Variants in KIF16B observed in about 807,000 individuals in gnomAD.
KIF16B encodes the protein kinesin-like protein KIF16B.
Under a neutral mutation model 156.3 loss-of-function variants are expected in KIF16B, and 98 were observed. The ratio of observed to expected loss-of-function variants is 0.63; its 90% CI spans 0.53 to 0.74. The LOEUF is 0.74. KIF16B is among the 30% of genes least tolerant of loss of function. KIF16B has a pLI of 0.00. For synonymous variants in KIF16B, 564 were observed against 583.7 expected (o/e 0.97, Z 0.49); for missense variants, 1,421 against 1,606.5 (o/e 0.88, Z 1.97).
At chr20:16,448,778 T>C (rs2067001777) in intron 12 of KIF16B, among the ~76,000 whole-genome samples, 1 of 152,092 alleles carries the variant, frequency 6.6e-6, no homozygotes, top group East Asian at 1.9e-4. Context: ...GAACAGCATA[T>C]TCAAGATAGC....
rs2068846907 is a variant in KIF16B at position 16,508,204 on chromosome 20, C to A, written c.557-104G>T. On this transcript the variant is annotated intron_variant, in intron 6 of 25. Coordinates refer to ENST00000354981, the MANE Select transcript of KIF16B (RefSeq NM_024704.5). ...AATACACAACTCCAAAATCTGCTGA[C>A]CTGTCTGAAGACCTCACTTGTCTCT... 2.4e-5 allele frequency: 32 copies of A among 1,343,428 alleles called. No individual in the cohort carries two copies. The East Asian group carries it at 7.4e-4, about 31-fold the overall frequency. The allele number at this position is 1,343,428 out of a possible 1,614,324, so 83.2% of individuals were successfully genotyped here.
chr20:16,545,382 A>T (rs75064944), intron 1 of KIF16B, among the ~76,000 whole-genome samples: 2 of 150,592 alleles, frequency 1.3e-5, no homozygotes, highest in Non-Finnish European at 3.0e-5. Context: ...AAAAAAAAAA[A>T]GGCCAGGAGA....
At chr20:16,510,157 G>A (rs2068911471) in intron 6 of KIF16B, among the ~76,000 whole-genome samples, 2 of 152,030 alleles carry the variant, frequency 1.3e-5, no homozygotes, top group African/African-American at 2.4e-5. Flanking sequence ...TGTTTGCTCT[G>A]TTTTGCTATT....
At chr20:16,428,586 T>C (rs1213013748) in intron 14 of KIF16B, among the ~76,000 whole-genome samples, 2 of 152,184 alleles carry the variant, frequency 1.3e-5, no homozygotes, top group Admixed American at 1.3e-4. Context: ...TCAAAAGACC[T>C]ACATCTTTTA....
chr20:16,345,659 G>A (rs2064219507), intron 23 of KIF16B, among the ~76,000 whole-genome samples: 2 of 152,174 alleles, frequency 1.3e-5, no homozygotes, highest in East Asian at 1.9e-4. Flanking sequence ...TAAAAGACAC[G>A]TTAAGAAACA....
rs1239568918 is a variant in KIF16B, at chr20:16,506,077, T to G, written c.813A>C (p.Glu271Asp). ...ATGATGVRLK[E>D]GGNINKSLVT... ...CGAGGGACTTGTTAATATTTCCCCC[T>G]TCCTTTAGCCTAACCCCGGTGGCTC... The change falls in exon 8 of 26, where the codon GAA (glutamate) becomes GAC (aspartate). Residue 271 changes from glutamate (E) to aspartate (D), a missense_variant. Transcript: ENST00000354981. 1 of 1,614,112 alleles carries G rather than the reference T, an allele frequency of 6.2e-7. No individual in the cohort carries two copies. The highest frequency in any genetic ancestry group is 8.5e-7 in the Non-Finnish European group (1 of 1,179,988).
intron 11 of KIF16B, 120 bp downstream of exon 11, chr20:16,497,493 G>A (rs2068485831): frequency 1.4e-6 from 1 of 729,798 alleles, no homozygotes; most frequent in Non-Finnish European, 2.4e-6. Flanking sequence ...ACCAACGAGG[G>A]AGGAGGCTAA....
chr20:16,446,586 G>A (rs971550998), intron 12 of KIF16B, among the ~76,000 whole-genome samples: 3 of 151,914 alleles, frequency 2.0e-5, no homozygotes, highest in South Asian at 2.1e-4. Flanking sequence ...GTTAGGTAAC[G>A]GAAATCAACA....
intron 1 of KIF16B, among the ~76,000 whole-genome samples, chr20:16,549,084 C>A (rs2070531959): frequency 6.8e-6 from 1 of 146,888 alleles, no homozygotes; most frequent in African/African-American, 2.5e-5. Flanking sequence ...TACATGTGCA[C>A]ATTGTGCAGG....
At chr20:16,303,623 G>A (rs576386831) in intron 25 of KIF16B, among the ~76,000 whole-genome samples, 2 of 152,304 alleles carry the variant, frequency 1.3e-5, no homozygotes, top group South Asian at 4.1e-4. Flanking sequence ...ACTGGACACT[G>A]AACAAATATT....
chr20:16,383,103 C>T (rs555908297), intron 17 of KIF16B, among the ~76,000 whole-genome samples: 1 of 152,220 alleles, frequency 6.6e-6, no homozygotes, highest in African/African-American at 2.4e-5. Flanking sequence ...AAGCAATCCT[C>T]CTCTCTGTTT....
intron 1 of KIF16B, among the ~76,000 whole-genome samples, chr20:16,543,227 T>G (rs2070272721): frequency 2.0e-5 from 3 of 152,216 alleles, no homozygotes. Context: ...CATTGTGAGA[T>G]GCTGTTTCAG....
rs747736833 is a variant in KIF16B, at chr20:16,429,006, T to C, written c.1423-2A>G. 6.2e-7 allele frequency: 1 copy of C among 1,612,756 alleles called. No homozygotes were observed. Among genetic ancestry groups the C allele is most frequent in the South Asian group, 1.1e-5 (1 of 91,034 alleles). ...TCTACCAACGTATGTCTGACCTTCC[T>C]GGGAAGAAAACCCAAGCAAAATGTA... On this transcript the variant is annotated splice_acceptor_variant, in intron 13 of 25. Coordinates refer to ENST00000354981, the MANE Select transcript of KIF16B (RefSeq NM_024704.5). LOFTEE classifies it high-confidence loss of function.
At chr20:16,571,803 G>T (rs905761608) in intron 1 of KIF16B, among the ~76,000 whole-genome samples, 1 of 151,870 alleles carries the variant, frequency 6.6e-6, no homozygotes, top group Non-Finnish European at 1.5e-5. Context: ...CTAATTTTTT[G>T]TAGTTTTAGT....
At chr20:16,288,039 A>C (rs1160314131) in intron 25 of KIF16B, among the ~76,000 whole-genome samples, 2 of 152,208 alleles carry the variant, frequency 1.3e-5, no homozygotes, top group South Asian at 2.1e-4. Flanking sequence ...GTTTGAATCT[A>C]CATAAATGTT....
intron 10 of KIF16B, among the ~76,000 whole-genome samples, chr20:16,502,806 C>A (rs1294500408): frequency 6.6e-6 from 1 of 152,180 alleles, no homozygotes; most frequent in Non-Finnish European, 1.5e-5. Context: ...AGGTTAAGCA[C>A]AAGAAACTGC....
Position 16,378,914 on chromosome 20 carries a change from C to G in KIF16B, c.3088G>C (p.Glu1030Gln), listed in dbSNP as rs1315779399. Residue 1030 changes from glutamate (E) to glutamine (Q), a missense_variant, in exon 19 of 26, where the codon GAA becomes CAA. Glu to Gln is a conservative substitution (Grantham distance 29). Transcript: ENST00000354981. Reference protein sequence around the residue: ...QRHSTLGMEIEEQRQKLASLN... With the variant: ...QRHSTLGMEIQEQRQKLASLN... ...CTGGCAAGTTTCTGCCTCTGCTCTT[C>G]AATCTCCATGCCCAGGGTGGAGTGC... is the stretch of plus-strand genomic sequence containing the variant. 1.9e-6 allele frequency: 3 copies of G among 1,613,994 alleles called. No individual in the cohort carries two copies.
intron 25 of KIF16B, among the ~76,000 whole-genome samples, chr20:16,295,878 G>A (rs1177604513): frequency 1.3e-5 from 2 of 152,262 alleles, no homozygotes; most frequent in East Asian, 1.9e-4. Flanking sequence ...AAATGGTCAC[G>A]AATTTCAAAA....
chr20:16,557,132 CTA>C (rs2070878756), intron 1 of KIF16B, among the ~76,000 whole-genome samples: 1 of 140,132 alleles, frequency 7.1e-6, no homozygotes, highest in Admixed American at 7.5e-5. Context: ...ATCATTAATA[CTA>C]TATATATTAA....
Sources: allele counts gnomAD v4.1 joint callset (sites outside exome capture counted in the v4.1 genomes callset), GRCh38; gene constraint gnomAD v4.1.1; transcripts MANE v1.5; gene names NCBI Gene and HGNC (gene_info 2026-07-23, HGNC 2026-07-21).